The following SAMD3 variants were observed in gnomAD, a reference collection of about 807,000 sequenced individuals.
SAMD3 encodes the protein sterile alpha motif domain containing 3, also known as sterile alpha motif domain-containing protein 3.
A neutral mutation model predicts 58.5 loss-of-function variants in SAMD3; 63 were observed. The ratio of observed to expected loss-of-function variants is 1.08; its 90% CI spans 0.88 to 1.33. The LOEUF is 1.33. Among genes scored for constraint, SAMD3 ranks in the 40% most tolerant of loss-of-function variants. The probability of loss-of-function intolerance (pLI) is 0.00; values close to 1 mark genes in which losing one functional copy is unlikely to be tolerated. For synonymous variants in SAMD3, 220 were observed against 210.3 expected, an observed-to-expected ratio of 1.05 and a Z score of -0.40; for missense variants, 604 against 608.4, an observed-to-expected ratio of 0.99 and a Z score of 0.08.
intron 1 of SAMD3, among the ~76,000 whole-genome samples, chr6:130,355,761 A>C (rs961371420): frequency 2.6e-5 from 4 of 152,330 alleles, no homozygotes; most frequent in African/African-American, 7.2e-5. Context: ...AGCACCAGTA[A>C]GAGGGGTCAG....
chr6:130,260,822 G>A (rs147304618), intron 2 of SAMD3, among the ~76,000 whole-genome samples: 62 of 152,388 alleles, frequency 4.1e-4, no homozygotes, highest in African/African-American at 1.5e-3. Context: ...GATCAACGCA[G>A]TGGCTGAACA....
chr6:130,244,840 T>G (rs1174798325), intron 2 of SAMD3, among the ~76,000 whole-genome samples: 2 of 152,146 alleles, frequency 1.3e-5, no homozygotes, highest in Non-Finnish European at 2.9e-5. Flanking sequence ...ACTGAGATGG[T>G]GCTGTAGAAT....
chr6:130,325,156 TAGTC>T (rs1231515153), intron 1 of SAMD3, among the ~76,000 whole-genome samples: 2 of 152,186 alleles, frequency 1.3e-5, no homozygotes, highest in Non-Finnish European at 2.9e-5. Context: ...TGTAGTATGT[TAGTC>T]AGGGTTCTCC....
At chr6:130,162,003 AC>A in intron 8 of SAMD3, 1 of 361,332 alleles carries the variant, frequency 2.8e-6, no homozygotes, top group Non-Finnish European at 4.9e-6. Context: ...GAAAGAGATC[AC>A]TTCAGGCCAA....
intron 8 of SAMD3, among the ~76,000 whole-genome samples, chr6:130,173,207 C>G (rs1262649669): frequency 6.6e-6 from 1 of 152,150 alleles, no homozygotes; most frequent in Non-Finnish European, 1.5e-5. Flanking sequence ...ATCTCATTTT[C>G]TGTTCAGTTT....
intron 2 of SAMD3, among the ~76,000 whole-genome samples, chr6:130,294,544 T>C (rs1332714447): frequency 1.3e-5 from 2 of 152,178 alleles, no homozygotes; most frequent in African/African-American, 4.8e-5. Flanking sequence ...TTCATTCAAC[T>C]GAAAAAGATC....
intron 2 of SAMD3, among the ~76,000 whole-genome samples, chr6:130,283,398 A>C (rs1192992174): frequency 6.6e-6 from 1 of 152,228 alleles, no homozygotes; most frequent in Non-Finnish European, 1.5e-5. Context: ...TTAAGGCAAC[A>C]TTATAAGTCA....
intron 4 of SAMD3, among the ~76,000 whole-genome samples, chr6:130,213,932 AAAAT>A (rs1200160707): frequency 2.0e-5 from 3 of 152,328 alleles, no homozygotes; most frequent in South Asian, 2.1e-4. Flanking sequence ...AAATCCTAGG[AAAAT>A]AAATAAATAG....
intron 4 of SAMD3, 150 bp from the exon 5 acceptor site, chr6:130,209,758 G>A (rs1795375570): frequency 3.7e-6 from 2 of 534,934 alleles, no homozygotes; most frequent in South Asian, 3.0e-5. Context: ...TAAGAGAATG[G>A]AAAGAAGGCC....
intron 2 of SAMD3, among the ~76,000 whole-genome samples, chr6:130,257,390 G>A (rs1437347211): frequency 6.6e-6 from 1 of 152,122 alleles, no homozygotes; most frequent in Non-Finnish European, 1.5e-5. Context: ...TCTCATGACT[G>A]CATTGACCTG....
At chr6:130,176,952 T>C (rs17058459) in intron 7 of SAMD3, among the ~76,000 whole-genome samples, 14,428 of 152,042 alleles carry the variant, frequency 0.095, 1,100 homozygotes, top group African/African-American at 0.21. Context: ...TCAACGGCCA[T>C]GGTCACCCCA....
At chr6:130,239,119 T>C (rs1040995136) in intron 2 of SAMD3, among the ~76,000 whole-genome samples, 1 of 152,102 alleles carries the variant, frequency 6.6e-6, no homozygotes, top group Non-Finnish European at 1.5e-5. Flanking sequence ...AGATGATGTC[T>C]GAGAGAGAGT....
intron 2 of SAMD3, among the ~76,000 whole-genome samples, chr6:130,280,675 T>C (rs1289460444): frequency 1.3e-5 from 2 of 152,214 alleles, no homozygotes; most frequent in African/African-American, 4.8e-5. Context: ...CATGTACACA[T>C]AGAATCCCAT....
At chr6:130,312,618 T>C (rs72992404) in intron 2 of SAMD3, among the ~76,000 whole-genome samples, 16,205 of 152,306 alleles carry the variant, frequency 0.11, 1,005 homozygotes, top group Admixed American at 0.15. Context: ...TTCCCTATTT[T>C]AGTTCTGTGC....
intron 5 of SAMD3, among the ~76,000 whole-genome samples, chr6:130,200,032 T>C (rs749681558): frequency 1.3e-5 from 2 of 152,046 alleles, no homozygotes; most frequent in East Asian, 1.9e-4. Flanking sequence ...AAACCCTCTA[T>C]GTTATTGGCC....
At chr6:130,267,516 G>C (rs1774403606) in intron 2 of SAMD3, among the ~76,000 whole-genome samples, 1 of 152,098 alleles carries the variant, frequency 6.6e-6, no homozygotes, top group Non-Finnish European at 1.5e-5. Flanking sequence ...AGAGAACAGA[G>C]ACAGACCCTC....
downstream of SAMD3, among the ~76,000 whole-genome samples, chr6:130,143,382 A>T (rs1027701236): frequency 2.0e-5 from 3 of 152,154 alleles, no homozygotes; most frequent in African/African-American, 4.8e-5. Flanking sequence ...AGTAGCTGGG[A>T]CTACAGGCAT....
At chr6:130,300,124 C>T (rs1298365952) in intron 2 of SAMD3, among the ~76,000 whole-genome samples, 1 of 152,112 alleles carries the variant, frequency 6.6e-6, no homozygotes, top group Non-Finnish European at 1.5e-5. Context: ...CCAGTATCAT[C>T]CTGATACCAA....
At chr6:130,184,002 C>CA in intron 7 of SAMD3, 101 bp downstream of exon 7, 1 of 841,376 alleles carries the variant, frequency 1.2e-6, no homozygotes, top group South Asian at 1.4e-5. Context: ...GAGAGAGAGA[C>CA]ACCAAGAAAA....
Sources: gnomAD v4.1 joint callset for allele counts (sites outside exome capture counted in the v4.1 genomes callset) on GRCh38, gnomAD v4.1.1 for gene constraint, MANE v1.5 for transcripts, NCBI Gene and HGNC (gene_info 2026-07-23, HGNC 2026-07-21) for gene names.